The following PIEZO2 variants were observed in gnomAD, a reference collection of about 807,000 sequenced individuals.
PIEZO2 encodes the protein piezo-type mechanosensitive ion channel component 2.
In PIEZO2, 172 loss-of-function variants were observed where a neutral mutation model predicts 337.3. The observed-to-expected ratio is 0.51, with a 90% confidence interval of 0.45 to 0.58. The LOEUF (loss-of-function observed/expected upper bound fraction) is 0.58. Among genes scored for constraint, PIEZO2 ranks in the 20% least tolerant of loss-of-function variants. The pLI is 0.00. For missense variants in PIEZO2, 3,028 were observed against 3,391.3 expected (o/e 0.89, Z 2.66); for synonymous variants, 1,251 against 1,228.5 (o/e 1.02, Z -0.38).
At chr18:11,067,684 G>A (rs927643801) in intron 1 of PIEZO2, among the ~76,000 whole-genome samples, 2 of 152,108 alleles carry the variant, frequency 1.3e-5, no homozygotes, top group African/African-American at 2.4e-5. Flanking sequence ...AAATATATAT[G>A]CACCCAAGAT....
intron 20 of PIEZO2, among the ~76,000 whole-genome samples, chr18:10,771,479 T>C (rs2038602588): frequency 6.6e-6 from 1 of 152,270 alleles, no homozygotes; most frequent in Non-Finnish European, 1.5e-5. Context: ...TCAGCCTGTC[T>C]TGTTTGTAAA....
At chr18:10,947,999 G>C (rs1303270358) in intron 3 of PIEZO2, among the ~76,000 whole-genome samples, 1 of 151,668 alleles carries the variant, frequency 6.6e-6, no homozygotes, top group East Asian at 1.9e-4. Flanking sequence ...CATTACAAAA[G>C]AAGAAAAGAA....
rs2042268443 is a variant in PIEZO2 at position 10,876,349 on chromosome 18, G to T, written c.330-4934C>A. ...TTGACCTGGAAACCATTTCTTACCA[G>T]TTTCTTCTAAGACTATTACATGTGA... On this transcript the variant is annotated intron_variant, in intron 4 of 55. Coordinates refer to ENST00000674853, the MANE Select transcript of PIEZO2 (RefSeq NM_001378183.1). Among the ~76,000 whole-genome samples the T allele has an allele frequency of 4.6e-5, 7 of 152,316 alleles. No homozygotes were observed. In the South Asian group the frequency reaches 1.4e-3, roughly 32 times the overall value.
chr18:11,106,103 T>A (rs1195784853), intron 1 of PIEZO2, among the ~76,000 whole-genome samples: 2 of 152,040 alleles, frequency 1.3e-5, no homozygotes, highest in Admixed American at 6.6e-5. Flanking sequence ...ATTTTATTTT[T>A]TTGAGACGGC....
intron 2 of PIEZO2, among the ~76,000 whole-genome samples, chr18:11,005,521 G>A (rs1658258946): frequency 6.6e-6 from 1 of 152,222 alleles, no homozygotes; most frequent in South Asian, 2.1e-4. Context: ...TATCAGGGAT[G>A]CTGGGGGCGT....
At chr18:11,023,773 A>C (rs2036413952) in intron 2 of PIEZO2, among the ~76,000 whole-genome samples, 1 of 152,224 alleles carries the variant, frequency 6.6e-6, no homozygotes, top group Non-Finnish European at 1.5e-5. Flanking sequence ...GGTGGGCTGC[A>C]GGTCCCGAAC....
chr18:10,874,317 T>C (rs1384224639), intron 4 of PIEZO2, among the ~76,000 whole-genome samples: 3 of 151,304 alleles, frequency 2.0e-5, no homozygotes, highest in Admixed American at 6.6e-5. Context: ...CAAAAAAAAA[T>C]GCTGACAAGG....
chr18:10,816,111 G>T (rs1220206577), intron 7 of PIEZO2, among the ~76,000 whole-genome samples: 2 of 152,148 alleles, frequency 1.3e-5, no homozygotes, highest in African/African-American at 4.8e-5. Context: ...GAAGCCCTCG[G>T]CTCTTCACTG....
intron 2 of PIEZO2, among the ~76,000 whole-genome samples, chr18:11,056,973 T>A (rs914885731): frequency 6.6e-6 from 1 of 152,240 alleles, no homozygotes; most frequent in South Asian, 2.1e-4. Context: ...ACTAGGAATA[T>A]TCTGTGCATT....
intron 3 of PIEZO2, among the ~76,000 whole-genome samples, chr18:10,938,044 G>A (rs533742201): frequency 3.3e-5 from 5 of 152,164 alleles, no homozygotes; most frequent in Non-Finnish European, 7.3e-5. Flanking sequence ...TGCCTCTAAT[G>A]TGCAAATAAT....
At chr18:10,757,111 T>A (rs1029293450) in intron 27 of PIEZO2, among the ~76,000 whole-genome samples, 3 of 132,670 alleles carry the variant, frequency 2.3e-5, no homozygotes, top group African/African-American at 8.9e-5. Context: ...GGAGGAGAAA[T>A]GGGGATAAGG....
At chr18:10,928,792 G>A (rs146622706) in intron 3 of PIEZO2, among the ~76,000 whole-genome samples, 36 of 152,162 alleles carry the variant, frequency 2.4e-4, no homozygotes, top group East Asian at 1.4e-3. Context: ...CTATTTTACC[G>A]GCCAAGACAT....
At chr18:11,023,112 T>C (rs2036375944) in intron 2 of PIEZO2, among the ~76,000 whole-genome samples, 1 of 152,252 alleles carries the variant, frequency 6.6e-6, no homozygotes, top group African/African-American at 2.4e-5. Context: ...ACCCAAAGAC[T>C]GAGCAGCAGC....
chr18:11,145,352 C>G (rs988888674), intron 1 of PIEZO2, among the ~76,000 whole-genome samples: 1 of 118,076 alleles, frequency 8.5e-6, no homozygotes, highest in Non-Finnish European at 1.8e-5. Context: ...TTATCTTATA[C>G]GGAAAAAGAA....
At chr18:10,674,425 G>A (rs1233162352) in intron 54 of PIEZO2, among the ~76,000 whole-genome samples, 1 of 152,266 alleles carries the variant, frequency 6.6e-6, no homozygotes, top group African/African-American at 2.4e-5. Context: ...TTACTGCTGA[G>A]GAAGAAAGGT....
chr18:11,078,057 C>CAA lies in PIEZO2; in HGVS notation c.65-11836_65-11835insTT, dbSNP rs1381201543. Among the ~76,000 whole-genome samples the CAA allele has an allele frequency of 6.6e-6, 1 of 151,170 alleles. No homozygotes were observed. Among genetic ancestry groups the CAA allele is most frequent in the Non-Finnish European group, 1.5e-5 (1 of 67,806 alleles). ...ACACCCACACACACCCACACACACA[C>CAA]ACACACACACCACACACACAAAAAC... On this transcript the variant is annotated intron_variant, in intron 1 of 55. Transcript: ENST00000674853. This position sits in a 1 kb window ranked among gnomAD's most constrained non-coding sequence, Gnocchi z 5.3.
At position 11,131,838 on chromosome 18, in the gene PIEZO2, G is replaced by C. The variant is rs1172109877; in HGVS notation, c.64+16687C>G. Among the ~76,000 whole-genome samples the C allele has an allele frequency of 6.6e-6, 1 of 152,180 alleles. No homozygotes were observed. Among genetic ancestry groups the C allele is most frequent in the Non-Finnish European group, 1.5e-5 (1 of 68,030 alleles). Reference sequence around the variant, plus strand: ...CTCAGTGGAGGAGGAGTTTAATAATGAAGCGGATAGGATGACCTGTTGTGT... The same window carrying C: ...CTCAGTGGAGGAGGAGTTTAATAATCAAGCGGATAGGATGACCTGTTGTGT... On this transcript the variant is annotated intron_variant, in intron 1 of 55. Coordinates refer to ENST00000674853, the MANE Select transcript of PIEZO2 (RefSeq NM_001378183.1). The surrounding 1 kb of genome is among the most constrained non-coding windows in gnomAD (Gnocchi z 5.3).
intron 1 of PIEZO2, among the ~76,000 whole-genome samples, chr18:11,134,464 G>C (rs535502640): frequency 6.6e-6 from 1 of 152,118 alleles, no homozygotes; most frequent in Non-Finnish European, 1.5e-5. Flanking sequence ...ACCCATCAGC[G>C]CTGGCTTCAT....
intron 1 of PIEZO2, among the ~76,000 whole-genome samples, chr18:11,091,199 C>T (rs925253282): frequency 1.3e-5 from 2 of 151,750 alleles, no homozygotes; most frequent in Admixed American, 1.3e-4. Context: ...GCCTGGCCAG[C>T]ATGATGAAAC....
Sources: gnomAD v4.1 joint callset for allele counts (sites outside exome capture counted in the v4.1 genomes callset) on GRCh38, gnomAD v4.1.1 for gene constraint, Gnocchi (gnomAD v3.1) non-coding constraint, MANE v1.5 for transcripts, NCBI Gene and HGNC (gene_info 2026-07-23, HGNC 2026-07-21) for gene names.